RAI14: variants seen among roughly 807,000 people sequenced by gnomAD.
The protein encoded by RAI14 is retinoic acid induced 14.
A neutral mutation model predicts 115.4 loss-of-function variants in RAI14; 45 were observed. The ratio of observed to expected loss-of-function variants is 0.39; its 90% CI spans 0.31 to 0.50. The LOEUF (loss-of-function observed/expected upper bound fraction) is 0.50, where lower values mean the gene tolerates loss of function less well. Ranked by LOEUF, RAI14 falls within the 20% of genes least tolerant of loss-of-function variation. The pLI is 0.85. For synonymous variants in RAI14, 371 were observed against 415.4 expected, an observed-to-expected ratio of 0.89 and a Z score of 1.30; for missense variants, 939 against 1,131.2, an observed-to-expected ratio of 0.83 and a Z score of 2.44.
intron 3 of RAI14, among the ~76,000 whole-genome samples, chr5:34,769,206 A>G (rs2150126779): frequency 6.6e-6 from 1 of 152,234 alleles, no homozygotes; most frequent in East Asian, 1.9e-4. Context: ...AAAGGCAACA[A>G]ATGTTTCCAT....
At chr5:34,759,482 A>C (rs1017332213) in intron 3 of RAI14, among the ~76,000 whole-genome samples, 1 of 152,154 alleles carries the variant, frequency 6.6e-6, no homozygotes, top group Non-Finnish European at 1.5e-5. Flanking sequence ...GATCAGTGGC[A>C]ACATTAGATT....
chr5:34,790,855 C>T (rs2150191347), intron 3 of RAI14, among the ~76,000 whole-genome samples: 1 of 151,640 alleles, frequency 6.6e-6, no homozygotes, highest in African/African-American at 2.4e-5. Context: ...CTCATTATTA[C>T]ACAGGATATG....
At chr5:34,808,726 T>G in intron 7 of RAI14, 72 bp downstream of exon 7, 1 of 1,401,832 alleles carries the variant, frequency 7.1e-7, no homozygotes, top group Non-Finnish European at 1.0e-6. Flanking sequence ...ACCTCTAGAG[T>G]CACTGAGACT....
Position 34,826,383 on chromosome 5 carries a change from C to G in RAI14, c.2703C>G (p.Leu901=). The G allele has an allele frequency of 6.2e-7, 1 of 1,614,142 alleles. No homozygotes were observed. Among genetic ancestry groups the G allele is most frequent in the East Asian group, 2.2e-5 (1 of 44,882 alleles). Reference sequence around the variant, plus strand: ...AATTGAAGGAGGCCTTGAACAGCCTCTCCCAGCTCTCCTACTCAACAAGCT... The same window carrying G: ...AATTGAAGGAGGCCTTGAACAGCCTGTCCCAGCTCTCCTACTCAACAAGCT... ...VTKLKEALNS[L]SQLSYSTSSS... is the part of the protein sequence containing the mutation. Residue 901 remains leucine (L), a synonymous_variant, in exon 16 of 18, where the codon CTC becomes CTG. Transcript: ENST00000265109.
chr5:34,777,723 G>A (rs1320930832), intron 3 of RAI14, among the ~76,000 whole-genome samples: 1 of 152,178 alleles, frequency 6.6e-6, no homozygotes. Context: ...AGATGGCAGT[G>A]AGCCGAGATC....
chr5:34,692,895 T>C lies in RAI14; in HGVS notation c.36+5940T>C, dbSNP rs1738806191. Among the ~76,000 whole-genome samples the C allele has an allele frequency of 2.0e-5, 3 of 152,266 alleles. 1 individual carries two copies. In the South Asian group the frequency reaches 6.2e-4, roughly 32 times the overall value. ...AGTTTGGGAGGCTAGAAGCCCAAGATCCAGGTACTGGCACGGTTGGTTCCT... is the reference window on the plus strand; with the variant it reads ...AGTTTGGGAGGCTAGAAGCCCAAGACCCAGGTACTGGCACGGTTGGTTCCT... On this transcript the variant is annotated intron_variant, in intron 2 of 17. Transcript: ENST00000265109.
chr5:34,771,103 G>A lies in RAI14; in HGVS notation c.167+13505G>A, dbSNP rs1038858332. 1.1e-4 allele frequency among the ~76,000 whole-genome samples: 16 copies of A among 152,166 alleles called. 1 individual carries two copies. Among genetic ancestry groups the A allele is most frequent in the African/African-American group, 3.9e-4 (16 of 41,434 alleles). On this transcript the variant is annotated intron_variant, in intron 3 of 17. Coordinates refer to ENST00000265109, the MANE Select transcript of RAI14 (RefSeq NM_015577.3). ...AAAAGGAAAGAAGGGAGTCGTGGGT[G>A]TATTAGGGAGAAAATACCCTTGGGG...
chr5:34,693,867 A>G (rs1738924740), intron 2 of RAI14, among the ~76,000 whole-genome samples: 1 of 152,234 alleles, frequency 6.6e-6, no homozygotes, highest in African/African-American at 2.4e-5. Flanking sequence ...ATAGTGGCAA[A>G]GCTCACCAAT....
intron 2 of RAI14, among the ~76,000 whole-genome samples, chr5:34,714,945 G>C (rs1331956328): frequency 6.6e-6 from 1 of 152,162 alleles, no homozygotes; most frequent in Non-Finnish European, 1.5e-5. Flanking sequence ...AGGGCCTTTT[G>C]ATATGGTGGG....
chr5:34,696,045 C>T (rs1739187017), intron 2 of RAI14, among the ~76,000 whole-genome samples: 1 of 152,184 alleles, frequency 6.6e-6, no homozygotes, highest in Non-Finnish European at 1.5e-5. Flanking sequence ...GTTTTGAACT[C>T]CTGACCTCAA....
At chr5:34,821,555 AC>A (rs965517842) in intron 13 of RAI14, among the ~76,000 whole-genome samples, 176 bp from the exon 14 acceptor site, 1 of 152,070 alleles carries the variant, frequency 6.6e-6, no homozygotes, top group Non-Finnish European at 1.5e-5. Context: ...CAGTAAGGAA[AC>A]CCCAGTTTCC....
At chr5:34,814,025 A>T (rs1329805052) in intron 11 of RAI14, among the ~76,000 whole-genome samples, 1 of 152,194 alleles carries the variant, frequency 6.6e-6, no homozygotes, top group Non-Finnish European at 1.5e-5. Flanking sequence ...CATTGAGGCA[A>T]TTAGTTGAAA....
At chr5:34,830,579 T>G in intron 17 of RAI14, 109 bp from the exon 18 acceptor site, 4 of 1,533,484 alleles carry the variant, frequency 2.6e-6, no homozygotes, top group Non-Finnish European at 2.6e-6. Context: ...GTGAAAGATG[T>G]GGGAATTAGC....
intron 3 of RAI14, among the ~76,000 whole-genome samples, chr5:34,765,161 C>T (rs1448439512): frequency 1.3e-5 from 2 of 152,150 alleles, no homozygotes; most frequent in East Asian, 1.9e-4. Context: ...TTCCCAGTCT[C>T]AGATATGTCT....
chr5:34,817,852 G>A (rs571925928), intron 12 of RAI14, among the ~76,000 whole-genome samples: 2 of 152,308 alleles, frequency 1.3e-5, no homozygotes, highest in Admixed American at 1.3e-4. Flanking sequence ...GCATGAAGAA[G>A]CTTTTAGGCA....
intron 3 of RAI14, among the ~76,000 whole-genome samples, chr5:34,758,960 TC>T (rs2150096419): frequency 6.6e-6 from 1 of 152,202 alleles, no homozygotes; most frequent in Admixed American, 6.5e-5. Context: ...TTATCTCCTC[TC>T]CCTCAAAGGT....
At position 34,821,855 on chromosome 5, in the gene RAI14, A is replaced by G. The variant is rs764639611; in HGVS notation, c.1113+5A>G. 84 of 1,454,216 alleles carry G rather than the reference A, an allele frequency of 5.8e-5. No individual in the cohort carries two copies. The Admixed American group carries it at 6.2e-4, about 11-fold the overall frequency. 90.1% of individuals were successfully genotyped at this position (1,454,216 alleles called of 1,614,324 possible). A position where few individuals can be genotyped will look rare whatever the true frequency, so the allele number is the denominator to read the frequency against. ...GAGTTACAAGATAAATTACAGGTAT[A>G]TAAATAGATTGCTATCATGGACTAT... On this transcript the variant is annotated splice_donor_5th_base_variant and intron_variant, in intron 14 of 17. Coordinates refer to ENST00000265109, the MANE Select transcript of RAI14 (RefSeq NM_015577.3).
At chr5:34,664,690 T>C (rs1481464249) in intron 1 of RAI14, among the ~76,000 whole-genome samples, 1 of 151,924 alleles carries the variant, frequency 6.6e-6, no homozygotes, top group Non-Finnish European at 1.5e-5. Flanking sequence ...AGTTCTTTAG[T>C]GGTGATTTGT....
In RAI14 at chr5:34,823,308, A is replaced by G; in HGVS notation, c.1466A>G (p.Gln489Arg). The G allele has an allele frequency of 6.2e-7, 1 of 1,614,056 alleles. No homozygotes were observed. The highest frequency in any genetic ancestry group is 8.5e-7 in the Non-Finnish European group (1 of 1,180,032). The change falls in exon 15 of 18, where the codon CAG (glutamine) becomes CGG (arginine). Residue 489 changes from glutamine (Q) to arginine (R), a missense_variant. Gln to Arg is a conservative substitution (Grantham distance 43, BLOSUM62 1). Transcript: ENST00000265109. This position sits in a 1 kb window ranked among gnomAD's most constrained non-coding sequence, Gnocchi z 4.5. Reference protein sequence around the residue: ...SDLSQKLKETQSKYEEAMKEV... With the variant: ...SDLSQKLKETRSKYEEAMKEV... ...CTCAGCCAGAAACTTAAAGAAACTCAGAGCAAATACGAGGAGGCTATGAAA... is the reference window on the plus strand; with the variant it reads ...CTCAGCCAGAAACTTAAAGAAACTCGGAGCAAATACGAGGAGGCTATGAAA...
Sources: gnomAD v4.1 joint callset for allele counts (sites outside exome capture counted in the v4.1 genomes callset) on GRCh38, gnomAD v4.1.1 for gene constraint, Gnocchi (gnomAD v3.1) non-coding constraint, MANE v1.5 for transcripts, NCBI Gene and HGNC (gene_info 2026-07-23, HGNC 2026-07-21) for gene names.